PREP: variants seen among roughly 807,000 people sequenced by gnomAD.
PREP encodes dJ355L5.1 (prolyl endopeptidase).
A neutral mutation model predicts 87.6 loss-of-function variants in PREP; 29 were observed. The ratio of observed to expected loss-of-function variants is 0.33; its 90% CI spans 0.25 to 0.45. PREP has a LOEUF of 0.45. Ranked by LOEUF, PREP falls within the 20% of genes least tolerant of loss-of-function variation. The pLI, the probability that PREP is intolerant of heterozygous loss-of-function variation, is 1.00. For missense variants in PREP, 695 were observed against 886.5 expected (o/e 0.78, Z 2.74); for synonymous variants, 337 against 328.6 (o/e 1.03, Z -0.28).
intron 1 of PREP, among the ~76,000 whole-genome samples, chr6:105,399,496 C>T (rs1773367985): frequency 6.6e-6 from 1 of 152,150 alleles, no homozygotes; most frequent in East Asian, 1.9e-4. Flanking sequence ...CATTAAACAA[C>T]TGACTGAGCA....
At chr6:105,394,201 G>T (rs1583107543) in intron 2 of PREP, among the ~76,000 whole-genome samples, 1 of 152,170 alleles carries the variant, frequency 6.6e-6, no homozygotes, top group East Asian at 1.9e-4. Flanking sequence ...GTATTAAAAA[G>T]AAATCAAAAT....
intron 2 of PREP, among the ~76,000 whole-genome samples, chr6:105,384,165 CCCAGA>C (rs2114721642): frequency 6.6e-6 from 1 of 152,184 alleles, no homozygotes; most frequent in South Asian, 2.1e-4. Context: ...ATGTCCCTCC[CCCAGA>C]CCACGGCTGG....
chr6:105,322,085 A>G (rs1241979360), intron 10 of PREP, among the ~76,000 whole-genome samples: 1 of 148,636 alleles, frequency 6.7e-6, no homozygotes, highest in African/African-American at 2.6e-5. Flanking sequence ...AAATTAGAGG[A>G]AAAAAAAGAG....
Position 105,333,463 on chromosome 6 carries a change from T to A in PREP, c.866A>T (p.Glu289Val), listed in dbSNP as rs903470347. 2 of 1,614,068 alleles carry A rather than the reference T, an allele frequency of 1.2e-6. No individual in the cohort carries two copies. The highest frequency in any genetic ancestry group is 2.7e-5 in the African/African-American group (2 of 74,912). The change falls in exon 8 of 15, where the codon GAA becomes GTA. Residue 289 changes from glutamate (E) to valine (V), a missense_variant. Around this residue, in one of 5 missense-constraint regions of PREP, gnomAD observed 517 missense variants for 620.3 expected, o/e 0.83. Transcript: ENST00000652536. ...WVKLIDNFEGEYDYVTNEGTV... is the reference protein window; with the variant it reads ...WVKLIDNFEGVYDYVTNEGTV... ...CCCCTCATTGGTCACGTAGTCATATTCCCCTTCAAAGTTGTCAATCAGTTT... is the reference window on the plus strand; with the variant it reads ...CCCCTCATTGGTCACGTAGTCATATACCCCTTCAAAGTTGTCAATCAGTTT...
chr6:105,323,594 A>G (rs1361593167), intron 10 of PREP, 71 bp downstream of exon 10: 5 of 1,318,678 alleles, frequency 3.8e-6, no homozygotes, highest in Non-Finnish European at 5.5e-6. Context: ...CTGATAAGCT[A>G]CAGTGTGAAT....
Position 105,352,993 on chromosome 6 carries a change from G to C in PREP, c.802C>G (p.Gln268Glu). The C allele has an allele frequency of 6.2e-7, 1 of 1,613,682 alleles. No homozygotes were observed. Among genetic ancestry groups the C allele is most frequent in the Non-Finnish European group, 8.5e-7 (1 of 1,179,634 alleles). Residue 268 changes from glutamine (Q) to glutamate (E), a missense_variant, in exon 7 of 15, where the codon CAG becomes GAG. Gln to Glu is a conservative substitution (Grantham distance 29, BLOSUM62 2). Around this residue, in one of 5 missense-constraint regions of PREP, gnomAD observed 517 missense variants for 620.3 expected, o/e 0.83. Coordinates refer to ENST00000652536, the MANE Select transcript of PREP (RefSeq NM_002726.5). ...TCACCCGCGATGCCACTGGATTCCT[G>C]CTGTAGGTCACAGTACCAGAGTCGG... ...VNRLWYCDLQ[Q>E]ESSGIAGILK...
rs113747782 is a variant in PREP, at chr6:105,360,066, C to T, written c.718-6989G>A. Among the ~76,000 whole-genome samples the T allele has an allele frequency of 1.0e-2, 1,514 of 152,082 alleles. 26 individuals carry two copies. The highest frequency in any genetic ancestry group is 0.034 in the African/African-American group (1,396 of 41,332). ...TACAACACAGCCCACGGCCACTGTT[C>T]TTCCACTCAGTGTCCTCGCCAGGCC... On this transcript the variant is annotated intron_variant, in intron 6 of 14. Coordinates refer to ENST00000652536, the MANE Select transcript of PREP (RefSeq NM_002726.5).
chr6:105,367,929 C>T (rs150215358), intron 6 of PREP, among the ~76,000 whole-genome samples: 261 of 148,884 alleles, frequency 1.8e-3, no homozygotes, highest in African/African-American at 5.8e-3. Flanking sequence ...CAGGCCAGAT[C>T]CAGCCCAGTG....
intron 6 of PREP, among the ~76,000 whole-genome samples, chr6:105,366,645 T>C (rs1162081832): frequency 2.0e-5 from 3 of 152,232 alleles, no homozygotes; most frequent in Non-Finnish European, 4.4e-5. Flanking sequence ...CACTAGCTGC[T>C]CACAGCAGCA....
chr6:105,368,859 T>G (rs759705549), intron 6 of PREP, 44 bp downstream of exon 6: 1 of 1,606,664 alleles, frequency 6.2e-7, no homozygotes, highest in South Asian at 1.1e-5. Flanking sequence ...CACACATCCA[T>G]GAAACACAGT....
At chr6:105,379,604 G>A (rs1034261322) in intron 2 of PREP, among the ~76,000 whole-genome samples, 7 of 152,208 alleles carry the variant, frequency 4.6e-5, no homozygotes, top group African/African-American at 1.7e-4. Context: ...GAAAAAGGAT[G>A]TGGAGATGAA....
At chr6:105,314,170 T>C (rs1183906555) in intron 10 of PREP, among the ~76,000 whole-genome samples, 1 of 152,256 alleles carries the variant, frequency 6.6e-6, no homozygotes, top group Non-Finnish European at 1.5e-5. Context: ...TATAAAATGC[T>C]AATGATCATC....
chr6:105,327,507 G>A (rs561999202), intron 9 of PREP, among the ~76,000 whole-genome samples: 2 of 152,228 alleles, frequency 1.3e-5, no homozygotes, highest in South Asian at 4.2e-4. Context: ...TCATTCTTTT[G>A]GTTTTAATAA....
chr6:105,318,184 A>AT lies in PREP; in HGVS notation c.1317+5480dup, dbSNP rs945175139. 3.5e-4 allele frequency among the ~76,000 whole-genome samples: 52 copies of AT among 148,604 alleles called. 1 individual carries two copies. The highest frequency in any genetic ancestry group is 2.3e-3 in the South Asian group (11 of 4,696). ...AAGGCCCTAATTTTTAGCTAGTCAC[A>AT]TTTTTTTTTTCTGGGAATAAAACTA... is the stretch of plus-strand genomic sequence containing the variant. On this transcript the variant is annotated intron_variant, in intron 10 of 14. Coordinates refer to ENST00000652536, the MANE Select transcript of PREP (RefSeq NM_002726.5).
intron 10 of PREP, among the ~76,000 whole-genome samples, chr6:105,308,852 T>C (rs1193324664): frequency 6.6e-6 from 1 of 152,072 alleles, no homozygotes; most frequent in African/African-American, 2.4e-5. Flanking sequence ...GAAAATCTAA[T>C]GTCAGCTGGT....
In PREP at chr6:105,273,864, C is replaced by T. The variant is rs999536245; in HGVS notation, c.*4280G>A. The T allele has an allele frequency of 3.9e-5, 6 of 152,970 alleles. No individual in the cohort carries two copies. The highest frequency in any genetic ancestry group is 3.9e-4 in the Admixed American group (6 of 15,306). 9.5% of individuals were successfully genotyped at this position (152,970 alleles called of 1,614,324 possible). On this transcript the variant is annotated 3_prime_UTR_variant, in exon 15 of 15. Coordinates refer to ENST00000652536, the MANE Select transcript of PREP (RefSeq NM_002726.5). ...TTCCTGCCTCAGGCTCTGCCCATTGCTGCTGTCCTCACCAACCCCCAAAAC... is the reference window on the plus strand; with the variant it reads ...TTCCTGCCTCAGGCTCTGCCCATTGTTGCTGTCCTCACCAACCCCCAAAAC...
In PREP at chr6:105,397,873, G is replaced by A. The variant is rs1773325197; in HGVS notation, c.100C>T (p.Pro34Ser). The change falls in exon 2 of 15, where the codon CCC becomes TCC. Residue 34 changes from proline to serine, a missense_variant. This residue lies in a region of PREP where 517 missense variants were observed against 620.3 expected (regional missense o/e 0.83). Transcript: ENST00000652536. ...ICDPYAWLEDPDSEQTKAFVE... is the reference protein window; with the variant it reads ...ICDPYAWLEDSDSEQTKAFVE... ...ATTACCTTAGTCTGTTCACTGTCGG[G>A]GTCTTCAAGCCAGGCGTAAGGGTCA... The A allele has an allele frequency of 4.3e-6, 7 of 1,611,924 alleles. No homozygotes were observed. Among genetic ancestry groups the A allele is most frequent in the South Asian group, 1.1e-5 (1 of 91,026 alleles).
intron 1 of PREP, among the ~76,000 whole-genome samples, chr6:105,401,643 C>A (rs1773433820): frequency 6.6e-6 from 1 of 152,124 alleles, no homozygotes. Context: ...AGGAATAGAG[C>A]TTCTTGAGCT....
intron 6 of PREP, among the ~76,000 whole-genome samples, chr6:105,356,859 C>A (rs1341099765): frequency 6.6e-6 from 1 of 152,180 alleles, no homozygotes; most frequent in Non-Finnish European, 1.5e-5. Flanking sequence ...AAGTCTCTTG[C>A]AAATGAACAC....
Sources: allele counts gnomAD v4.1 joint callset (sites outside exome capture counted in the v4.1 genomes callset), GRCh38; gene constraint gnomAD v4.1.1; regional missense constraint gnomAD v4.1.1; transcripts MANE v1.5; gene names NCBI Gene and HGNC (gene_info 2026-07-23, HGNC 2026-07-21).